DGKZ: variants seen among roughly 807,000 people sequenced by gnomAD.
DGKZ encodes the protein diacylglycerol kinase zeta, also known as DAG kinase zeta.
DGKZ carries 45 observed loss-of-function variants against 142.5 expected under a neutral mutation model. That is an observed-to-expected ratio of 0.32 (90% CI 0.25 to 0.40). The LOEUF is 0.40. Among genes scored for constraint, DGKZ ranks in the 10% least tolerant of loss-of-function variants. The pLI is 1.00. For synonymous variants in DGKZ, 442 were observed against 527.0 expected (o/e 0.84, Z 2.21); for missense variants, 755 against 1,306.5 (o/e 0.58, Z 6.51).
At chr11:46,345,708 C>A, upstream of DGKZ, 1 of 970,014 alleles carries the variant, frequency 1.0e-6, no homozygotes, top group Non-Finnish European at 1.5e-6. This position sits in a 1 kb window ranked among gnomAD's most constrained non-coding sequence, Gnocchi z 4.1. Context: ...TGCAGAGGCA[C>A]AGAGTAGGGC....
chr11:46,367,006 A>G lies in DGKZ; in HGVS notation c.162-285A>G, dbSNP rs1290691709. Reference sequence around the variant, plus strand: ...TCGCGTAGGTATAGCTGTGGCCAGCAGGGCGAGTGGTGTGACCTCCTGTGG... The same window carrying G: ...TCGCGTAGGTATAGCTGTGGCCAGCGGGGCGAGTGGTGTGACCTCCTGTGG... On this transcript the variant is annotated intron_variant, in intron 1 of 30. Coordinates refer to ENST00000527911, the Ensembl canonical transcript of DGKZ. The surrounding 1 kb of genome is among the most constrained non-coding windows in gnomAD (Gnocchi z 4.1). 6.7e-7 allele frequency: 1 copy of G among 1,496,492 alleles called. No individual in the cohort carries two copies. The highest frequency in any genetic ancestry group is 2.5e-5 in the East Asian group (1 of 40,714). The allele number at this position is 1,496,492 out of a possible 1,614,324, so 92.7% of individuals were successfully genotyped here.
In DGKZ at chr11:46,367,239, A is replaced by G. The variant is rs1440254581; in HGVS notation, c.162-52A>G. 14 of 1,510,754 alleles carry G rather than the reference A, an allele frequency of 9.3e-6. No homozygotes were observed. The highest frequency in any genetic ancestry group is 1.2e-5 in the Non-Finnish European group (13 of 1,100,722). 93.6% of individuals were successfully genotyped at this position (1,510,754 alleles called of 1,614,324 possible). A position where few individuals can be genotyped will look rare whatever the true frequency, so the allele number is the denominator to read the frequency against. ...GCAGAGGCCCCAGGAGGTGGGAGGA[A>G]GTAGGGTCAGCAAGTGCTCAGCCCC... On this transcript the variant is annotated intron_variant, in intron 1 of 30. Transcript: ENST00000527911. The surrounding 1 kb of genome is among the most constrained non-coding windows in gnomAD (Gnocchi z 4.1).
chr11:46,368,813 C>T (rs184193435), intron 4 of DGKZ: 253 of 164,810 alleles, frequency 1.5e-3, no homozygotes, highest in Non-Finnish European at 2.7e-3. Context: ...TAGGGTTCCA[C>T]AAATTAGCTA....
In DGKZ at chr11:46,367,402, G is replaced by T; in HGVS notation, c.270+3G>T. ...TCCGGAGTACAGTGGACTGGAGCGT[G>T]AGTGCCTGAACACCCCTGGGTCCCA... On this transcript the variant is annotated splice_donor_region_variant and intron_variant, in intron 2 of 30. Transcript: ENST00000527911. This position sits in a 1 kb window ranked among gnomAD's most constrained non-coding sequence, Gnocchi z 4.1. The T allele has an allele frequency of 6.2e-7, 1 of 1,612,916 alleles. No individual in the cohort carries two copies. The highest frequency in any genetic ancestry group is 8.5e-7 in the Non-Finnish European group (1 of 1,179,854).
rs369668814 is a variant in DGKZ at position 46,366,359 on chromosome 11, C to T, written c.162-932C>T. 24 of 1,528,344 alleles carry T rather than the reference C, an allele frequency of 1.6e-5. No individual in the cohort carries two copies. The highest frequency in any genetic ancestry group is 7.0e-5 in the East Asian group (3 of 42,712). The allele number at this position is 1,528,344 out of a possible 1,614,324, so 94.7% of individuals were successfully genotyped here. ...GGGGCTGCCCACAGGCAAGGCCCGG[C>T]GTCGCTCCCCCGCTGGGCAGGCCTC... On this transcript the variant is annotated intron_variant, in intron 1 of 30. Transcript: ENST00000527911.
chr11:46,379,626 C>T, intron 30 of DGKZ, 58 bp downstream of exon 30: 3 of 1,472,894 alleles, frequency 2.0e-6, no homozygotes, highest in Non-Finnish European at 2.8e-6. Flanking sequence ...TTCCCAAGGT[C>T]CTAGGCGGGA....
chr11:46,333,317 G>C, exon 1 of DGKZ: 3 of 1,325,710 alleles, frequency 2.3e-6, no homozygotes, highest in Non-Finnish European at 2.9e-6. Context: ...GCTGGGACTG[G>C]GCTGGCGGCG....
chr11:46,340,264 G>T (rs887092116), intron 1 of DGKZ, among the ~76,000 whole-genome samples: 1 of 152,230 alleles, frequency 6.6e-6, no homozygotes, highest in Non-Finnish European at 1.5e-5. Flanking sequence ...AATAGGATAG[G>T]TAGTAAGGGG....
chr11:46,376,257 C>A, intron 22 of DGKZ, 71 bp from the exon 23 acceptor site: 1 of 1,608,474 alleles, frequency 6.2e-7, no homozygotes, highest in Non-Finnish European at 8.5e-7. Flanking sequence ...GTGCTGGTTC[C>A]CCCTACTCCA....
At chr11:46,368,888 G>A (rs1943616047) in intron 4 of DGKZ, 1 of 174,338 alleles carries the variant, frequency 5.7e-6, no homozygotes, top group Non-Finnish European at 1.2e-5. Context: ...CGTGTGCCCG[G>A]GTCGGGAGTG....
At chr11:46,369,623 A>G in intron 5 of DGKZ, 73 bp downstream of exon 5, 2 of 1,585,488 alleles carry the variant, frequency 1.3e-6, no homozygotes. Flanking sequence ...GTGCCTCTGG[A>G]GTGCCACCAG....
upstream of DGKZ, among the ~76,000 whole-genome samples, chr11:46,344,232 T>G (rs555456391): frequency 6.6e-6 from 1 of 151,920 alleles, no homozygotes; most frequent in Non-Finnish European, 1.5e-5. Flanking sequence ...ACATCTTGTT[T>G]GCTGACATTA....
chr11:46,372,361 C>T lies in DGKZ; in HGVS notation c.928-67C>T, dbSNP rs985947339. On this transcript the variant is annotated intron_variant, in intron 10 of 30. Coordinates refer to ENST00000527911, the Ensembl canonical transcript of DGKZ. This position sits in a 1 kb window ranked among gnomAD's most constrained non-coding sequence, Gnocchi z 5.9. Reference sequence around the variant, plus strand: ...CCCTGGTTCCCACAGTCACACCCCTCTCCCTCTGCTGCTCCCACTTCGTCC... The same window carrying T: ...CCCTGGTTCCCACAGTCACACCCCTTTCCCTCTGCTGCTCCCACTTCGTCC... 17 of 1,551,688 alleles carry T rather than the reference C, an allele frequency of 1.1e-5. No individual in the cohort carries two copies. The Admixed American group carries it at 2.9e-4, about 26-fold the overall frequency.
Position 46,371,716 on chromosome 11 carries a change from G to A in DGKZ, c.772G>A (p.Ala258Thr), listed in dbSNP as rs1366822753. The A allele has an allele frequency of 2.5e-6, 4 of 1,613,840 alleles. No homozygotes were observed. In the African/African-American group the frequency reaches 5.3e-5, roughly 22 times the overall value. The stretch of plus-strand genomic sequence containing the variant: ...GCTTCCCTTGCAGAATACTCTGAAA[G>A]CAAGCAAGAAGAAGAAGAGGGCATC... The change falls in exon 9 of 31, where the codon GCA becomes ACA. Residue 258 changes from alanine to threonine, a missense_variant. Coordinates refer to ENST00000527911, the Ensembl canonical transcript of DGKZ.
intron 5 of DGKZ, 97 bp downstream of exon 5, chr11:46,369,647 C>T: frequency 6.8e-7 from 1 of 1,470,996 alleles, no homozygotes; most frequent in Middle Eastern, 2.4e-4. Flanking sequence ...GCTCGGCTCC[C>T]TCTAGGCTGC....
chr11:46,377,823 C>T (rs1944729027), intron 25 of DGKZ: 3 of 319,182 alleles, frequency 9.4e-6, no homozygotes, highest in Non-Finnish European at 1.2e-5. Context: ...CTTCCCCCAT[C>T]TTTCCGGAGC....
rs150736300 is a variant in DGKZ at position 46,372,221 on chromosome 11, C to T, written c.927+51C>T. 4.4e-4 allele frequency: 658 copies of T among 1,501,434 alleles called. 7 individuals are homozygous for T. In the East Asian group the frequency reaches 0.012, roughly 27 times the overall value. The allele number at this position is 1,501,434 out of a possible 1,614,324, so 93.0% of individuals were successfully genotyped here. A position where few individuals can be genotyped will look rare whatever the true frequency, so the allele number is the denominator to read the frequency against. On this transcript the variant is annotated intron_variant, in intron 10 of 30. Coordinates refer to ENST00000527911, the Ensembl canonical transcript of DGKZ. This position sits in a 1 kb window ranked among gnomAD's most constrained non-coding sequence, Gnocchi z 5.9. ...AAGGGCTCGGGCGGGGGTTGGGGTCCAGCCCGTCTGCCAGCAGCTGTTCCC... is the reference window on the plus strand; with the variant it reads ...AAGGGCTCGGGCGGGGGTTGGGGTCTAGCCCGTCTGCCAGCAGCTGTTCCC...
chr11:46,369,429 G>A, intron 4 of DGKZ, 65 bp from the exon 5 acceptor site: 2 of 1,594,556 alleles, frequency 1.3e-6, no homozygotes, highest in Middle Eastern at 1.7e-4. Flanking sequence ...CCTGGAGGGA[G>A]TGACCACATA....
At chr11:46,366,445 C>T (rs772711185) in intron 1 of DGKZ, 15 of 1,551,286 alleles carry the variant, frequency 9.7e-6, no homozygotes, top group Admixed American at 1.9e-5. Context: ...TCCTGAGTTG[C>T]GGGGTGAGGG....
Sources: allele counts gnomAD v4.1 joint callset (sites outside exome capture counted in the v4.1 genomes callset), GRCh38; gene constraint gnomAD v4.1.1; non-coding constraint Gnocchi (gnomAD v3.1); transcripts MANE v1.5; gene names NCBI Gene and HGNC (gene_info 2026-07-23, HGNC 2026-07-21).